The following PAQR5 variants were observed in gnomAD, a reference collection of about 807,000 sequenced individuals.
The protein encoded by PAQR5 is membrane progestin receptor gamma.
In PAQR5, 20 loss-of-function variants were observed where a neutral mutation model predicts 34.5. The ratio of observed to expected loss-of-function variants is 0.58; its 90% CI spans 0.41 to 0.84. PAQR5 has a LOEUF of 0.84. Ranked by LOEUF, PAQR5 falls within the 40% of genes least tolerant of loss-of-function variation. The pLI, the probability that PAQR5 is intolerant of heterozygous loss-of-function variation, is 0.00. For missense variants in PAQR5, 378 were observed against 412.7 expected, an observed-to-expected ratio of 0.92 and a Z score of 0.73; for synonymous variants, 131 against 155.6, an observed-to-expected ratio of 0.84 and a Z score of 1.18.
intron 6 of PAQR5, among the ~76,000 whole-genome samples, chr15:69,395,582 C>T (rs2056400425): frequency 1.3e-5 from 2 of 152,158 alleles, no homozygotes; most frequent in African/African-American, 4.8e-5. Context: ...ATCCATACAA[C>T]GAGGCTGTGA....
chr15:69,345,923 A>C (rs953026802), intron 2 of PAQR5, among the ~76,000 whole-genome samples: 2 of 152,232 alleles, frequency 1.3e-5, no homozygotes, highest in Non-Finnish European at 2.9e-5. Context: ...AAGCCTGGGC[A>C]ACATAGACCC....
In PAQR5 at chr15:69,358,863, ATCTCAG is replaced by A. The variant is rs555965904; in HGVS notation, c.-115-1098_-115-1093del. Among the ~76,000 whole-genome samples, 311 of 152,080 alleles carry A rather than the reference ATCTCAG, an allele frequency of 2.0e-3. 1 individual carries two copies. Among genetic ancestry groups the A allele is most frequent in the Non-Finnish European group, 3.4e-3 (234 of 67,978 alleles). Reference sequence around the variant, plus strand: ...ACTCTGGGGCTCAACTGATCGTCCCATCTCAGTCTCCCAAATTTCTGGGATTATAGG... The same window carrying A: ...ACTCTGGGGCTCAACTGATCGTCCCATCTCCCAAATTTCTGGGATTATAGG... On this transcript the variant is annotated intron_variant, in intron 2 of 8. Transcript: ENST00000395407.
chr15:69,353,214 G>A (rs2054971753), intron 2 of PAQR5, among the ~76,000 whole-genome samples: 1 of 152,198 alleles, frequency 6.6e-6, no homozygotes. Context: ...ATTACCTGGG[G>A]CGATCAGCCA....
chr15:69,393,074 A>G (rs557751232), intron 6 of PAQR5, among the ~76,000 whole-genome samples: 1 of 151,984 alleles, frequency 6.6e-6, no homozygotes, highest in East Asian at 1.9e-4. Flanking sequence ...TATTAGCAGC[A>G]ACTGAAGTGG....
At chr15:69,386,904 C>A (rs2056126854) in intron 5 of PAQR5, among the ~76,000 whole-genome samples, 1 of 152,134 alleles carries the variant, frequency 6.6e-6, no homozygotes, top group South Asian at 2.1e-4. Context: ...GACTGATGGT[C>A]GCGCCCCTAC....
chr15:69,322,691 G>GGAAGAA (rs780711031), intron 1 of PAQR5, among the ~76,000 whole-genome samples: 754 of 25,412 alleles, frequency 0.03, 33 homozygotes, highest in Admixed American at 0.052. Context: ...AAGGAGAAGA[G>GGAAGAA]GAAGAAGAAG....
At chr15:69,309,043 T>C (rs1396035585) in intron 1 of PAQR5, among the ~76,000 whole-genome samples, 2 of 152,180 alleles carry the variant, frequency 1.3e-5, no homozygotes, top group African/African-American at 4.8e-5. Flanking sequence ...GGGTTGGAGA[T>C]ACCTGGGAGA....
At chr15:69,315,330 T>A (rs2053922340) in intron 1 of PAQR5, among the ~76,000 whole-genome samples, 1 of 152,204 alleles carries the variant, frequency 6.6e-6, no homozygotes, top group Non-Finnish European at 1.5e-5. Flanking sequence ...GGGGTCTTTG[T>A]CTGAATAATA....
intron 3 of PAQR5, among the ~76,000 whole-genome samples, chr15:69,369,301 C>G (rs1422125098): frequency 6.6e-6 from 1 of 152,106 alleles, no homozygotes; most frequent in Non-Finnish European, 1.5e-5. Context: ...TTTGGGAGGC[C>G]AAGGCAGGTG....
chr15:69,381,221 C>G (rs1261670626), intron 4 of PAQR5, among the ~76,000 whole-genome samples: 1 of 152,214 alleles, frequency 6.6e-6, no homozygotes, highest in African/African-American at 2.4e-5. Flanking sequence ...CCACTGGCCC[C>G]AGTTCTCCTC....
At chr15:69,337,814 A>C (rs912890844) in intron 2 of PAQR5, among the ~76,000 whole-genome samples, 1 of 151,938 alleles carries the variant, frequency 6.6e-6, no homozygotes, top group African/African-American at 2.4e-5. Context: ...AAAAATGGGG[A>C]CTGAAATCCC....
intron 1 of PAQR5, among the ~76,000 whole-genome samples, chr15:69,319,490 C>G (rs992987938): frequency 6.6e-5 from 10 of 151,708 alleles, no homozygotes; most frequent in African/African-American, 2.4e-4. Flanking sequence ...ACCACTGGAG[C>G]CTGATAACAG....
chr15:69,387,061 C>T (rs2056132217), intron 5 of PAQR5, among the ~76,000 whole-genome samples: 1 of 151,926 alleles, frequency 6.6e-6, no homozygotes, highest in Non-Finnish European at 1.5e-5. Context: ...TTTGTCTTGA[C>T]TCAGGCCCCG....
At chr15:69,362,812 A>C (rs540945436) in intron 3 of PAQR5, among the ~76,000 whole-genome samples, 6 of 152,212 alleles carry the variant, frequency 3.9e-5, no homozygotes, top group African/African-American at 1.4e-4. Flanking sequence ...CCCTGTCCAT[A>C]GACTCGAACC....
intron 2 of PAQR5, among the ~76,000 whole-genome samples, chr15:69,337,862 G>C (rs1401895105): frequency 6.6e-6 from 1 of 152,054 alleles, no homozygotes; most frequent in African/African-American, 2.4e-5. Flanking sequence ...ATTGCTTGAG[G>C]TTGGGAGTTC....
At chr15:69,349,010 T>C (rs1192123315) in intron 2 of PAQR5, among the ~76,000 whole-genome samples, 2 of 152,172 alleles carry the variant, frequency 1.3e-5, no homozygotes, top group African/African-American at 2.4e-5. Context: ...CCTTGGATGA[T>C]GTGGGGAGCA....
At position 69,300,026 on chromosome 15, in the gene PAQR5, T is replaced by C. The variant is rs374577280; in HGVS notation, c.-277+970T>C. Among the ~76,000 whole-genome samples the C allele has an allele frequency of 4.6e-5, 7 of 152,270 alleles. No homozygotes were observed. The East Asian group carries it at 1.2e-3, about 25-fold the overall frequency. On this transcript the variant is annotated intron_variant, in intron 1 of 8. Transcript: ENST00000395407. ...CTCAGCCATTTGCTGGAGAAACTGG[T>C]GGGCTTTTCTCCACCACTGAGTGGC...
chr15:69,326,629 G>T (rs2054257558), intron 1 of PAQR5, among the ~76,000 whole-genome samples: 1 of 152,148 alleles, frequency 6.6e-6, no homozygotes, highest in African/African-American at 2.4e-5. Flanking sequence ...TAGAGACGGG[G>T]TTTTGCCATG....
At chr15:69,379,291 C>G in intron 3 of PAQR5, 1 of 354,212 alleles carries the variant, frequency 2.8e-6, no homozygotes, top group Non-Finnish European at 3.9e-6. Context: ...TTGGGGGGGA[C>G]TTGCCAAATG....
Sources: allele counts gnomAD v4.1 joint callset (sites outside exome capture counted in the v4.1 genomes callset), GRCh38; gene constraint gnomAD v4.1.1; transcripts MANE v1.5; gene names NCBI Gene and HGNC (gene_info 2026-07-23, HGNC 2026-07-21).